Variants in CPLX1 observed in about 807,000 individuals in gnomAD.
CPLX1 encodes the protein complexin 1.
CPLX1 carries 6 observed loss-of-function variants against 15.6 expected under a neutral mutation model. That is an observed-to-expected ratio of 0.39 (90% CI 0.21 to 0.76). The LOEUF (loss-of-function observed/expected upper bound fraction) is 0.76. Ranked by LOEUF, CPLX1 falls within the 30% of genes least tolerant of loss-of-function variation. CPLX1 has a pLI of 0.43. For missense variants in CPLX1, 242 were observed against 188.6 expected (o/e 1.28, Z -1.66); for synonymous variants, 91 against 75.2 (o/e 1.21, Z -1.08).
At position 822,452 on chromosome 4, in the gene CPLX1, G is replaced by A. The variant is rs146612830; in HGVS notation, c.31+2040C>T. Among the ~76,000 whole-genome samples, 194 of 151,920 alleles carry A rather than the reference G, an allele frequency of 1.3e-3. 2 individuals are homozygous for A. Among genetic ancestry groups the A allele is most frequent in the African/African-American group, 3.3e-3 (136 of 41,400 alleles). On this transcript the variant is annotated intron_variant, in intron 2 of 3. Coordinates refer to ENST00000304062, the MANE Select transcript of CPLX1 (RefSeq NM_006651.4). ...CCTCTGCCTCTGTCTCTGACGTGCCGTCTCTGTTTTCACCTGTCTGTCCCT... is the reference window on the plus strand; with the variant it reads ...CCTCTGCCTCTGTCTCTGACGTGCCATCTCTGTTTTCACCTGTCTGTCCCT...
At chr4:798,985 T>C (rs1746400511) in intron 2 of CPLX1, among the ~76,000 whole-genome samples, 1 of 152,236 alleles carries the variant, frequency 6.6e-6, no homozygotes, top group Non-Finnish European at 1.5e-5. Flanking sequence ...TTTGCTCTTC[T>C]GCGATATTAT....
chr4:816,680 A>G (rs939404344), intron 2 of CPLX1, among the ~76,000 whole-genome samples: 3 of 151,816 alleles, frequency 2.0e-5, no homozygotes, highest in African/African-American at 4.8e-5. Context: ...AAATTAGCCA[A>G]GTGTGGTGGT....
chr4:796,701 T>C (rs1325038510), intron 2 of CPLX1, among the ~76,000 whole-genome samples: 1 of 152,208 alleles, frequency 6.6e-6, no homozygotes, highest in Non-Finnish European at 1.5e-5. Flanking sequence ...ACTTGTTATT[T>C]TTCTGGCCAG....
intron 2 of CPLX1, 61 bp from the exon 3 acceptor site, chr4:792,669 C>G: frequency 6.6e-7 from 1 of 1,526,358 alleles, no homozygotes; most frequent in Non-Finnish European, 8.9e-7. Context: ...GGGCTAGTGT[C>G]TCAGCCACAC....
At chr4:822,363 G>A (rs1182988348) in intron 2 of CPLX1, among the ~76,000 whole-genome samples, 1 of 141,898 alleles carries the variant, frequency 7.0e-6, no homozygotes, top group Admixed American at 6.9e-5. Context: ...CCCTGTCTCT[G>A]TCTCCCTCTG....
At chr4:823,319 C>T (rs2152649065) in intron 2 of CPLX1, among the ~76,000 whole-genome samples, 1 of 152,282 alleles carries the variant, frequency 6.6e-6, no homozygotes, top group South Asian at 2.1e-4. Context: ...AATATCTTTT[C>T]ATTTAATTTG....
At chr4:823,546 C>T (rs972124187) in intron 2 of CPLX1, among the ~76,000 whole-genome samples, 2 of 152,232 alleles carry the variant, frequency 1.3e-5, no homozygotes, top group African/African-American at 4.8e-5. Context: ...CCAAGCAAGA[C>T]GTCTCTAGTG....
chr4:799,333 T>C (rs1408200999), intron 2 of CPLX1, among the ~76,000 whole-genome samples: 2 of 152,174 alleles, frequency 1.3e-5, no homozygotes, highest in East Asian at 3.9e-4. Flanking sequence ...ACCATGCCTA[T>C]CCGATGGAGT....
chr4:808,306 C>G (rs931918948), intron 2 of CPLX1, among the ~76,000 whole-genome samples: 9 of 151,982 alleles, frequency 5.9e-5, no homozygotes, highest in African/African-American at 1.9e-4. Context: ...TGTAACATCT[C>G]TCTAACAACA....
chr4:814,568 C>T (rs1476625559), intron 2 of CPLX1, among the ~76,000 whole-genome samples: 1 of 152,216 alleles, frequency 6.6e-6, no homozygotes, highest in Non-Finnish European at 1.5e-5. Context: ...GGATGGCCCC[C>T]GCGACTCACA....
chr4:786,250 A>C lies in CPLX1; in HGVS notation c.*251T>G. On this transcript the variant is annotated 3_prime_UTR_variant, in exon 4 of 4. Transcript: ENST00000304062. The stretch of plus-strand genomic sequence containing the variant: ...CGCTGCTGGGTGGGCGGTAAACAGC[A>C]AGAGAAAGGGGCGTCCCAGGCGATG... 5.8e-6 allele frequency: 2 copies of C among 342,598 alleles called. No individual in the cohort carries two copies. Among genetic ancestry groups the C allele is most frequent in the Non-Finnish European group, 5.2e-6 (1 of 190,582 alleles). The allele number at this position is 342,598 out of a possible 1,614,324, so 21.2% of individuals were successfully genotyped here. A position where few individuals can be genotyped will look rare whatever the true frequency, so the allele number is the denominator to read the frequency against.
intron 2 of CPLX1, 82 bp from the exon 3 acceptor site, chr4:792,690 T>C: frequency 6.8e-7 from 1 of 1,460,148 alleles, no homozygotes; most frequent in Non-Finnish European, 9.3e-7. Context: ...TCCCCCACCT[T>C]CTGGCCGACC....
chr4:790,943 TC>T (rs1746151568), intron 3 of CPLX1, among the ~76,000 whole-genome samples: 2 of 22,598 alleles, frequency 8.9e-5, no homozygotes, highest in Non-Finnish European at 2.0e-4. Context: ...TTTGTCTTTT[TC>T]TCTGTCTCTC....
Position 786,674 on chromosome 4 carries a change from G to C in CPLX1, c.232C>G (p.Arg78Gly). 6.2e-7 allele frequency: 1 copy of C among 1,609,488 alleles called. No individual in the cohort carries two copies. Among genetic ancestry groups the C allele is most frequent in the Non-Finnish European group, 8.5e-7 (1 of 1,178,002 alleles). ...ATGGCGGCCTGGGCCTCGGCCTCGC[G>C]CTCCTCCTTCTTCTTGATGCCGTAC... ...DKYGIKKKEEREAEAQAAMEA... is the reference protein window; with the variant it reads ...DKYGIKKKEEGEAEAQAAMEA... The change falls in exon 4 of 4, where the codon CGC becomes GGC. Residue 78 changes from arginine (R) to glycine (G), a missense_variant. By Grantham distance (125) the Arg-to-Gly change is moderately radical (BLOSUM62 -2). Coordinates refer to ENST00000304062, the MANE Select transcript of CPLX1 (RefSeq NM_006651.4).
intron 2 of CPLX1, among the ~76,000 whole-genome samples, chr4:814,911 C>T (rs954361276): frequency 5.9e-5 from 9 of 152,338 alleles, no homozygotes; most frequent in Admixed American, 1.3e-4. Context: ...AGGTCTAGCC[C>T]CATTCATTTC....
At chr4:824,778 A>G (rs1746943343) in intron 1 of CPLX1, 177 bp from the exon 2 acceptor site, 3 of 680,498 alleles carry the variant, frequency 4.4e-6, no homozygotes, top group Non-Finnish European at 8.1e-6. Context: ...CCAGGACCCC[A>G]GAGGACCTGA....
In CPLX1 at chr4:785,883, CTTTAG is replaced by C. The variant is rs891968069; in HGVS notation, c.*613_*617del. 1 of 152,248 alleles carries C rather than the reference CTTTAG, an allele frequency of 6.6e-6. No individual in the cohort carries two copies. The highest frequency in any genetic ancestry group is 1.5e-5 in the Non-Finnish European group (1 of 68,116). The allele number at this position is 152,248 out of a possible 1,614,324, so 9.4% of individuals were successfully genotyped here. A position where few individuals can be genotyped will look rare whatever the true frequency, so the allele number is the denominator to read the frequency against. On this transcript the variant is annotated 3_prime_UTR_variant, in exon 4 of 4. Coordinates refer to ENST00000304062, the MANE Select transcript of CPLX1 (RefSeq NM_006651.4). ...TCCCCCAAACCTATTGCTTTGTTTC[CTTTAG>C]TTTAGAAGTGAACACGGCCGTGGCG...
chr4:824,854 G>A (rs146186664), intron 1 of CPLX1: 32 of 530,222 alleles, frequency 6.0e-5, no homozygotes, highest in Admixed American at 1.0e-4. Flanking sequence ...TGGCTTAGGG[G>A]GCATCGCTCA....
chr4:786,557 G>A lies in CPLX1; in HGVS notation c.349C>T (p.Leu117=), dbSNP rs374943037. The change falls in exon 4 of 4, where the codon CTG becomes TTG. Residue 117 remains leucine, a synonymous_variant. Coordinates refer to ENST00000304062, the MANE Select transcript of CPLX1 (RefSeq NM_006651.4). ...DEVEEEDESI[L]DTVIKYLPGP... ...GGCAGGTACTTGATGACGGTGTCCA[G>A]GATGCTCTCGTCCTCCTCCTCCACC... The A allele has an allele frequency of 1.6e-4, 261 of 1,609,214 alleles. 2 individuals are homozygous for A. Among genetic ancestry groups the A allele is most frequent in the South Asian group, 8.5e-4 (77 of 90,196 alleles).
Sources: gnomAD v4.1 joint callset for allele counts (sites outside exome capture counted in the v4.1 genomes callset) on GRCh38, gnomAD v4.1.1 for gene constraint, MANE v1.5 for transcripts, NCBI Gene and HGNC (gene_info 2026-07-23, HGNC 2026-07-21) for gene names.